The following DST variants were observed in gnomAD, a reference collection of about 807,000 sequenced individuals.
The protein encoded by DST is bullous pemphigoid antigen.
A neutral mutation model predicts 875.2 loss-of-function variants in DST; 253 were observed. That is an observed-to-expected ratio of 0.29 (90% confidence interval 0.26 to 0.32). DST has a LOEUF of 0.32. DST is among the 10% of genes least tolerant of loss of function. The pLI, the probability that DST is intolerant of heterozygous loss-of-function variation, is 1.00. For missense variants in DST, 8,287 were observed against 9,111.6 expected (o/e 0.91, Z 3.68); for synonymous variants, 3,124 against 3,197.1 (o/e 0.98, Z 0.77).
At chr6:56,464,498 T>C in intron 100 of DST, 187 bp downstream of exon 100, 1 of 601,590 alleles carries the variant, frequency 1.7e-6, no homozygotes, top group South Asian at 2.1e-5. Context: ...AACACCTGCA[T>C]GTGTAACACA....
chr6:56,863,861 A>C (rs1306209147), intron 3 of DST: 2 of 152,230 alleles, frequency 1.3e-5, no homozygotes, highest in East Asian at 3.8e-4. Context: ...ACAGCACAGG[A>C]ACCAGCTACA....
Position 56,482,153 on chromosome 6 carries a change from T to G in DST, c.21428A>C (p.His7143Pro), listed in dbSNP as rs2095421544. Residue 7143 changes from histidine to proline, a missense_variant, in exon 90 of 104, where the codon CAT (histidine) becomes CCT (proline). By Grantham distance (77) the His-to-Pro change is moderately conservative. Around this residue, in one of 10 missense-constraint regions of DST, gnomAD observed 1,292 missense variants for 1,552.7 expected, o/e 0.83. Coordinates refer to ENST00000680361, the MANE Select transcript of DST (RefSeq NM_001374736.1). ...CTCAGCCAGCCACTCCAAGAGGGCA[T>G]GTACCACCGAGTGGAATTCCTCTGC... ...RQAEEFHSVV[H>P]ALLEWLAEAE... 1 of 1,611,398 alleles carries G rather than the reference T, an allele frequency of 6.2e-7. No individual in the cohort carries two copies. The highest frequency in any genetic ancestry group is 8.5e-7 in the Non-Finnish European group (1 of 1,178,092).
At chr6:56,580,008 G>A (rs371719749) in intron 49 of DST, among the ~76,000 whole-genome samples, 119 of 152,300 alleles carry the variant, frequency 7.8e-4, no homozygotes, top group African/African-American at 2.6e-3. Flanking sequence ...CAATTCCACC[G>A]TTCGGTCTGT....
intron 100 of DST, 84 bp from the exon 101 acceptor site, chr6:56,463,848 C>G (rs747954080): frequency 1.5e-6 from 2 of 1,345,598 alleles, no homozygotes; most frequent in Non-Finnish European, 2.1e-6. Flanking sequence ...GAACGGCCAC[C>G]TGGCACCAGA....
At chr6:56,488,261 TAG>T (rs1470281055) in intron 86 of DST, among the ~76,000 whole-genome samples, 1 of 152,202 alleles carries the variant, frequency 6.6e-6, no homozygotes, top group African/African-American at 2.4e-5. Flanking sequence ...TGTTGCCAAA[TAG>T]AGACTTTAAA....
intron 4 of DST, among the ~76,000 whole-genome samples, chr6:56,821,977 G>T (rs896392100): frequency 9.1e-6 from 1 of 109,392 alleles, no homozygotes; most frequent in African/African-American, 3.3e-5. Flanking sequence ...CTTTATCCAC[G>T]TTTATTAAGA....
At chr6:56,746,662 A>T (rs1386784391) in intron 4 of DST, among the ~76,000 whole-genome samples, 1 of 152,146 alleles carries the variant, frequency 6.6e-6, no homozygotes, top group Non-Finnish European at 1.5e-5. Flanking sequence ...AGGTTGGTAG[A>T]TGGTGTCTTT....
rs767935059 is a variant in DST at position 56,603,012 on chromosome 6, T to A, written c.11177A>T (p.His3726Leu). The A allele has an allele frequency of 6.3e-7, 1 of 1,579,806 alleles. No individual in the cohort carries two copies. The highest frequency in any genetic ancestry group is 2.2e-5 in the East Asian group (1 of 44,628). ...DSEMSKLAVS[H>L]EEFLHKLKSF... is the part of the protein sequence containing the mutation. The stretch of plus-strand genomic sequence containing the variant: ...CTTAAGTTTATGCAGAAATTCTTCA[T>A]GGGAAACTGCTAGTTTAGACTAGAA... Residue 3726 changes from histidine to leucine, a missense_variant, in exon 43 of 104, where the codon CAT (histidine) becomes CTT (leucine). His to Leu is a moderately conservative substitution (Grantham distance 99). Around this residue, in one of 10 missense-constraint regions of DST, gnomAD observed 3,138 missense variants for 3,116.6 expected, o/e 1.01. Coordinates refer to ENST00000680361, the MANE Select transcript of DST (RefSeq NM_001374736.1).
chr6:56,846,675 A>G (rs962888108), intron 4 of DST, among the ~76,000 whole-genome samples: 2 of 152,218 alleles, frequency 1.3e-5, no homozygotes, highest in African/African-American at 4.8e-5. Flanking sequence ...TAATATGATG[A>G]AACCACAACA....
chr6:56,634,986 A>G (rs1452932038), intron 24 of DST, 33 bp from the exon 25 acceptor site: 6 of 1,566,104 alleles, frequency 3.8e-6, no homozygotes, highest in Non-Finnish European at 5.3e-6. Flanking sequence ...TTTAAGAAGT[A>G]AAAGACTTGT....
In DST at chr6:56,640,486, CT is replaced by C; in HGVS notation, c.2146del (p.Ser716ValfsTer2). 6.2e-7 allele frequency: 1 copy of C among 1,614,180 alleles called. No homozygotes were observed. Among genetic ancestry groups the C allele is most frequent in the Non-Finnish European group, 8.5e-7 (1 of 1,180,028 alleles). Reference sequence around the variant, plus strand: ...GGTCTGTGCAAATCCTGAGTTTAAACTTTGAGTGATTCCTGATATCATGAGC... The same window carrying C: ...GGTCTGTGCAAATCCTGAGTTTAAACTTGAGTGATTCCTGATATCATGAGC... ...TKLMISGITQ[S>X]LNSGFAQTLH... On this transcript the variant is annotated frameshift_variant, in exon 18 of 104. Transcript: ENST00000680361. LOFTEE classifies it high-confidence loss of function.
At chr6:56,762,066 A>C (rs1300123634) in intron 4 of DST, among the ~76,000 whole-genome samples, 2 of 151,880 alleles carry the variant, frequency 1.3e-5, no homozygotes, top group African/African-American at 2.4e-5. Flanking sequence ...TGTTGTCTAG[A>C]CTGGAGTGCA....
chr6:56,852,146 T>C (rs1765598026), intron 3 of DST: 1 of 873,088 alleles, frequency 1.1e-6, no homozygotes, highest in African/African-American at 1.8e-5. Context: ...CCCTGTCCTC[T>C]TTATTTAATT....
At position 56,924,867 on chromosome 6, in the gene DST, G is replaced by A. The variant is rs116872249; in HGVS notation, c.217-24246C>T. Among the ~76,000 whole-genome samples the A allele has an allele frequency of 3.9e-5, 6 of 152,220 alleles. No individual in the cohort carries two copies. In the East Asian group the frequency reaches 1.2e-3, roughly 29 times the overall value. On this transcript the variant is annotated intron_variant, in intron 2 of 103. Transcript: ENST00000680361. Reference sequence around the variant, plus strand: ...GATCTCTCATTTCACCCTATGTTGTGTCCCCTAAAATGTTCCTAAGTAACT... The same window carrying A: ...GATCTCTCATTTCACCCTATGTTGTATCCCCTAAAATGTTCCTAAGTAACT...
At chr6:56,597,708 T>A in intron 47 of DST, 32 bp downstream of exon 47, 2 of 1,583,478 alleles carry the variant, frequency 1.3e-6, no homozygotes, top group Middle Eastern at 1.7e-4. Context: ...GGAAATAGAA[T>A]TGAACGATAT....
At chr6:56,627,883 C>T in intron 33 of DST, 116 bp downstream of exon 33, 2 of 957,018 alleles carry the variant, frequency 2.1e-6, no homozygotes, top group South Asian at 1.4e-5. Context: ...TTTATATACT[C>T]TCCACCTTCC....
At chr6:56,926,088 C>G (rs1806936133) in intron 2 of DST, among the ~76,000 whole-genome samples, 1 of 152,020 alleles carries the variant, frequency 6.6e-6, no homozygotes, top group Admixed American at 6.6e-5. Flanking sequence ...AAATTAAGTT[C>G]ACTCTGAATG....
At chr6:56,506,628 A>G in intron 76 of DST, 39 bp downstream of exon 76, 1 of 1,611,698 alleles carries the variant, frequency 6.2e-7, no homozygotes, top group Non-Finnish European at 8.5e-7. Context: ...TTAACTAAAA[A>G]CTTTTTAAAA....
At chr6:56,586,698 T>C (rs1246882466) in intron 49 of DST, among the ~76,000 whole-genome samples, 2 of 152,090 alleles carry the variant, frequency 1.3e-5, no homozygotes, top group Non-Finnish European at 2.9e-5. Context: ...GGCCAGGTAC[T>C]CCTCTGAGAC....
Sources: allele counts gnomAD v4.1 joint callset (sites outside exome capture counted in the v4.1 genomes callset), GRCh38; gene constraint gnomAD v4.1.1; regional missense constraint gnomAD v4.1.1; transcripts MANE v1.5; gene names NCBI Gene and HGNC (gene_info 2026-07-23, HGNC 2026-07-21).